Variants in SASH1 observed in about 807,000 individuals in gnomAD.
The protein encoded by SASH1 is SAM and SH3 domain-containing protein 1.
In SASH1, 44 loss-of-function variants were observed where a neutral mutation model predicts 125.2. That is an observed-to-expected ratio of 0.35 (90% CI 0.28 to 0.45). The LOEUF (loss-of-function observed/expected upper bound fraction) is 0.45. SASH1 is among the 20% of genes least tolerant of loss of function. The probability of loss-of-function intolerance (pLI) is 1.00; values close to 1 mark genes in which losing one functional copy is unlikely to be tolerated. For missense variants in SASH1, 1,426 were observed against 1,614.5 expected (o/e 0.88, Z 2.00); for synonymous variants, 639 against 649.1 (o/e 0.98, Z 0.24).
chr6:148,387,632 C>CCTTCCT (rs1783492490), intron 1 of SASH1, among the ~76,000 whole-genome samples: 1 of 37,236 alleles, frequency 2.7e-5, no homozygotes, highest in Admixed American at 3.5e-4. Flanking sequence ...TTCTTTCTTT[C>CCTTCCT]TTTCTTTCTT....
At chr6:148,197,191 G>C in the SASH1 span, among the ~76,000 whole-genome samples, 10 of 152,122 alleles carry the variant, frequency 6.6e-5, no homozygotes, top group Admixed American at 6.5e-5. Context: ...TGGTAAGAAA[G>C]CTATTGTTAC....
intron 1 of SASH1, among the ~76,000 whole-genome samples, chr6:148,347,758 C>CTTTT (rs36030075): frequency 7.3e-5 from 11 of 151,628 alleles, no homozygotes; most frequent in South Asian, 2.1e-4. Context: ...TATGATGTTC[C>CTTTT]TTTTAGCCCA....
At chr6:148,364,155 A>G (rs963681072) in intron 1 of SASH1, among the ~76,000 whole-genome samples, 1 of 152,190 alleles carries the variant, frequency 6.6e-6, no homozygotes, top group African/African-American at 2.4e-5. Flanking sequence ...CTCCAGCTCC[A>G]CGTCAATGAC....
chr6:148,285,394 G>A (rs968248413), intron 1 of SASH1, among the ~76,000 whole-genome samples: 2 of 152,180 alleles, frequency 1.3e-5, no homozygotes, highest in East Asian at 1.9e-4. Flanking sequence ...ATCGAGATAA[G>A]CATCTAGCAT....
At chr6:148,310,426 A>T (rs1488313188) in intron 1 of SASH1, among the ~76,000 whole-genome samples, 1 of 7,560 alleles carries the variant, frequency 1.3e-4, no homozygotes. Flanking sequence ...CCATATGTGA[A>T]AAAAAAAAAA....
intron 4 of SASH1, among the ~76,000 whole-genome samples, chr6:148,463,018 A>T (rs1176121751): frequency 2.6e-5 from 4 of 152,100 alleles, no homozygotes; most frequent in African/African-American, 7.2e-5. Flanking sequence ...TTTCATGTTG[A>T]CCTGTGTTGT....
At chr6:148,508,718 T>C (rs537244125) in intron 8 of SASH1, 5 of 1,211,054 alleles carry the variant, frequency 4.1e-6, no homozygotes, top group African/African-American at 3.2e-5. Context: ...TGCCTGATCA[T>C]GTAACTCCAG....
chr6:148,510,426 G>C (rs1244401041), intron 8 of SASH1, among the ~76,000 whole-genome samples: 1 of 152,062 alleles, frequency 6.6e-6, no homozygotes, highest in East Asian at 1.9e-4. Flanking sequence ...GGGAGGGGAG[G>C]CCACACTATC....
At chr6:148,524,116 TA>T (rs146043408) in intron 10 of SASH1, among the ~76,000 whole-genome samples, 23,673 of 92,456 alleles carry the variant, frequency 0.26, 2,160 homozygotes, top group East Asian at 0.38. Flanking sequence ...TATATATATA[TA>T]TATATTTTTT....
At chr6:148,503,777 AACAT>A (rs1779656849) in intron 8 of SASH1, among the ~76,000 whole-genome samples, 1 of 151,986 alleles carries the variant, frequency 6.6e-6, no homozygotes, top group African/African-American at 2.4e-5. Context: ...AAAAAAAAGA[AACAT>A]ACAGAAACAT....
the SASH1 span, among the ~76,000 whole-genome samples, chr6:148,215,048 T>A: frequency 6.6e-6 from 1 of 151,964 alleles, no homozygotes. Flanking sequence ...TGCCCAGGAG[T>A]CCAGGGATGC....
At chr6:148,491,884 G>A (rs1002057997) in intron 8 of SASH1, among the ~76,000 whole-genome samples, 1 of 152,188 alleles carries the variant, frequency 6.6e-6, no homozygotes, top group African/African-American at 2.4e-5. Flanking sequence ...AATCAAAAGA[G>A]CCGTGTCCAT....
intron 17 of SASH1, among the ~76,000 whole-genome samples, chr6:148,541,110 A>G (rs1782190855): frequency 1.3e-5 from 2 of 151,984 alleles, no homozygotes; most frequent in Non-Finnish European, 2.9e-5. Context: ...AAACGTTACC[A>G]TGGATGGCTT....
At chr6:148,368,327 G>A (rs1782558998) in intron 1 of SASH1, among the ~76,000 whole-genome samples, 1 of 152,160 alleles carries the variant, frequency 6.6e-6, no homozygotes, top group South Asian at 2.1e-4. Flanking sequence ...TTGGAATGCA[G>A]TGGCACGATC....
chr6:148,447,931 C>T (rs1776878341), intron 4 of SASH1, among the ~76,000 whole-genome samples: 1 of 152,166 alleles, frequency 6.6e-6, no homozygotes, highest in African/African-American at 2.4e-5. Context: ...CTCCCACTCT[C>T]ACCATTACCC....
the SASH1 span, among the ~76,000 whole-genome samples, chr6:148,196,897 T>C: frequency 9.6e-6 from 1 of 104,644 alleles, no homozygotes; most frequent in Non-Finnish European, 2.0e-5. Flanking sequence ...GGGATAGGCA[T>C]CCAGATGAAG....
In SASH1 at chr6:148,532,800, G is replaced by A. The variant is rs762170745; in HGVS notation, c.1568G>A (p.Gly523Asp). 1.2e-6 allele frequency: 2 copies of A among 1,614,162 alleles called. No homozygotes were observed. The highest frequency in any genetic ancestry group is 1.1e-5 in the South Asian group (1 of 91,088). ...SSLSGQSSMSGQTVSTTDSST... is the reference protein window; with the variant it reads ...SSLSGQSSMSDQTVSTTDSST... ...TCTTCCTATGTTTCCTGTACAGGCG[G>A]TCAAACAGTGAGCACCACTGATTCC... Residue 523 changes from glycine (G) to aspartate (D), a missense_variant, in exon 14 of 20, where the codon GGT becomes GAT. Around this residue, in one of 3 missense-constraint regions of SASH1, gnomAD observed 225 missense variants for 344.5 expected, o/e 0.65. Transcript: ENST00000367467. This position sits in a 1 kb window ranked among gnomAD's most constrained non-coding sequence, Gnocchi z 4.7.
intron 2 of SASH1, among the ~76,000 whole-genome samples, chr6:148,421,191 AAGAAAGAAAGAAAGAAAGAAAGAAAAAG>A (rs1785077340): frequency 6.8e-6 from 1 of 146,642 alleles, no homozygotes; most frequent in Non-Finnish European, 1.5e-5. Context: ...GAAAGAAAGA[AAGAAAGAAAGAAAGAAAGAAAGAAAAAG>A]AAAGAAAGAA....
At chr6:148,374,886 G>A (rs748792382) in intron 1 of SASH1, among the ~76,000 whole-genome samples, 6 of 152,098 alleles carry the variant, frequency 3.9e-5, no homozygotes, top group African/African-American at 1.2e-4. Flanking sequence ...TAGTAGAGAC[G>A]GGGTTTCGCC....
Sources: gnomAD v4.1 joint callset for allele counts (sites outside exome capture counted in the v4.1 genomes callset) on GRCh38, gnomAD v4.1.1 for gene constraint, gnomAD v4.1.1 regional missense constraint, Gnocchi (gnomAD v3.1) non-coding constraint, MANE v1.5 for transcripts, NCBI Gene and HGNC (gene_info 2026-07-23, HGNC 2026-07-21) for gene names.